The following PCSK5 variants were observed in gnomAD, a reference collection of about 807,000 sequenced individuals.
The protein encoded by PCSK5 is proprotein convertase subtilisin/kexin type 5.
PCSK5 carries 129 observed loss-of-function variants against 233.2 expected under a neutral mutation model. The ratio of observed to expected loss-of-function variants is 0.55; its 90% CI spans 0.48 to 0.64. PCSK5 has a LOEUF of 0.64. PCSK5 is among the 30% of genes least tolerant of loss of function. The pLI, the probability that PCSK5 is intolerant of heterozygous loss-of-function variation, is 0.00. For missense variants in PCSK5, 2,076 were observed against 2,430.1 expected, an observed-to-expected ratio of 0.85 and a Z score of 3.06; for synonymous variants, 825 against 879.2, an observed-to-expected ratio of 0.94 and a Z score of 1.09.
At chr9:76,332,365 G>A in intron 33 of PCSK5, 68 bp from the exon 34 acceptor site, 1 of 1,217,474 alleles carries the variant, frequency 8.2e-7, no homozygotes, top group Admixed American at 1.9e-5. Context: ...TGGTACACAA[G>A]AGGGAAAATA....
chr9:75,931,074 C>G (rs1823769370), intron 1 of PCSK5, among the ~76,000 whole-genome samples: 1 of 152,122 alleles, frequency 6.6e-6, no homozygotes, highest in Non-Finnish European at 1.5e-5. Flanking sequence ...AAATGTGAGA[C>G]TTAGACTTTG....
chr9:76,082,654 A>G (rs1342606620), intron 7 of PCSK5, among the ~76,000 whole-genome samples: 1 of 151,654 alleles, frequency 6.6e-6, no homozygotes, highest in Non-Finnish European at 1.5e-5. Flanking sequence ...AGCAGAGTAA[A>G]CAGCCCACAA....
intron 5 of PCSK5, among the ~76,000 whole-genome samples, chr9:76,038,851 C>A (rs1482578986): frequency 5.3e-5 from 8 of 152,158 alleles, no homozygotes; most frequent in African/African-American, 1.9e-4. Flanking sequence ...TGACTTTTTT[C>A]CAATGCGGAG....
intron 6 of PCSK5, 71 bp downstream of exon 6, chr9:76,068,114 C>T: frequency 9.2e-7 from 1 of 1,081,938 alleles, no homozygotes; most frequent in South Asian, 1.3e-5. Context: ...CTTTCAGAAT[C>T]CTTTTTAAAT....
At chr9:76,228,859 C>T (rs1035103206) in intron 21 of PCSK5, among the ~76,000 whole-genome samples, 1 of 152,188 alleles carries the variant, frequency 6.6e-6, no homozygotes, top group Admixed American at 6.5e-5. Context: ...AATATTCTTG[C>T]AAGCGGGTGC....
intron 12 of PCSK5, among the ~76,000 whole-genome samples, chr9:76,162,289 C>T (rs1822896096): frequency 6.6e-6 from 1 of 152,184 alleles, no homozygotes; most frequent in Non-Finnish European, 1.5e-5. Context: ...TTTCTTTTGG[C>T]ACTCTATCCA....
rs1350823846 is a variant in PCSK5, at chr9:76,239,021, C to A, written c.2929C>A (p.His977Asn). 1.2e-6 allele frequency: 2 copies of A among 1,612,076 alleles called. No homozygotes were observed. The highest frequency in any genetic ancestry group is 1.7e-5 in the Admixed American group (1 of 59,948). The change falls in exon 23 of 38, where the codon CAC becomes AAC. Residue 977 changes from histidine (H) to asparagine (N), a missense_variant. This residue lies in a region of PCSK5 where 1,510 missense variants were observed against 1,538.1 expected (regional missense o/e 0.98). Transcript: ENST00000674117. The stretch of plus-strand genomic sequence containing the variant: ...GTGTGGAGATAGCTGCCCAGAGGGC[C>A]ACTATGCCACTGAGGGGAACACCTG... ...GECGDSCPEGHYATEGNTCLP... is the reference protein window; with the variant it reads ...GECGDSCPEGNYATEGNTCLP...
In PCSK5 at chr9:76,354,035, A is replaced by G. The variant is rs1298601684; in HGVS notation, c.5070A>G (p.Gly1690=). ...CLVGEYRVGE[G]EKFNCEKCHE... is the part of the protein sequence containing the mutation. ...AACCTCTTGATTGCTCTTAACAGGG[A>G]GAGAAGTTTAACTGTGAAAAATGCC... is the stretch of plus-strand genomic sequence containing the variant. Residue 1690 remains glycine (G), a splice_region_variant and synonymous_variant, in exon 37 of 38, where the codon GGA becomes GGG. Transcript: ENST00000674117. The G allele has an allele frequency of 1.2e-6, 2 of 1,606,396 alleles. No homozygotes were observed. Among genetic ancestry groups the G allele is most frequent in the African/African-American group, 2.7e-5 (2 of 74,836 alleles).
chr9:76,298,811 C>G (rs1007522716), intron 27 of PCSK5, among the ~76,000 whole-genome samples: 4 of 152,182 alleles, frequency 2.6e-5, no homozygotes, highest in African/African-American at 9.6e-5. Context: ...GAGGATATAG[C>G]TGCCTAGGTG....
rs181279186 is a variant in PCSK5, at chr9:75,948,989, C to T, written c.297+16506C>T. On this transcript the variant is annotated intron_variant, in intron 2 of 37. Coordinates refer to ENST00000674117, the MANE Select transcript of PCSK5 (RefSeq NM_001372043.1). ...TCTTATCAAATCTAAAATCCAGGCC[C>T]GAAGTAAATAAAAACAAAACCAAAA... Among the ~76,000 whole-genome samples, 79 of 151,038 alleles carry T rather than the reference C, an allele frequency of 5.2e-4. 1 individual carries two copies. Among genetic ancestry groups the T allele is most frequent in the Admixed American group, 4.0e-3 (60 of 15,122 alleles).
At chr9:76,284,937 A>G (rs889846892) in intron 24 of PCSK5, among the ~76,000 whole-genome samples, 2 of 152,214 alleles carry the variant, frequency 1.3e-5, no homozygotes, top group Non-Finnish European at 2.9e-5. Context: ...AATAATGAAT[A>G]ATAATTTATA....
chr9:76,092,684 A>G (rs1213648588), intron 7 of PCSK5, among the ~76,000 whole-genome samples: 1 of 152,236 alleles, frequency 6.6e-6, no homozygotes, highest in Non-Finnish European at 1.5e-5. Context: ...TGAGAGAACC[A>G]GTTTGCTCAT....
At chr9:76,013,358 T>G (rs963083910) in intron 3 of PCSK5, among the ~76,000 whole-genome samples, 1 of 152,256 alleles carries the variant, frequency 6.6e-6, no homozygotes, top group Non-Finnish European at 1.5e-5. Context: ...TCCATCCCTC[T>G]GTGTCCTCTT....
intron 2 of PCSK5, among the ~76,000 whole-genome samples, chr9:75,976,073 G>A (rs202147346): frequency 2.0e-4 from 30 of 152,016 alleles, no homozygotes; most frequent in African/African-American, 7.3e-5. Flanking sequence ...ATGAGCAATC[G>A]AAATTGTTTG....
In PCSK5 at chr9:75,986,120, C is replaced by A; in HGVS notation, c.298-12C>A. 1 of 1,506,388 alleles carries A rather than the reference C, an allele frequency of 6.6e-7. No homozygotes were observed. Among genetic ancestry groups the A allele is most frequent in the African/African-American group, 1.4e-5 (1 of 72,930 alleles). 93.3% of individuals were successfully genotyped at this position (1,506,388 alleles called of 1,614,324 possible). On this transcript the variant is annotated splice_polypyrimidine_tract_variant and intron_variant, in intron 2 of 37. Coordinates refer to ENST00000674117, the MANE Select transcript of PCSK5 (RefSeq NM_001372043.1). The stretch of plus-strand genomic sequence containing the variant: ...TGGAACGTGAATACTCACCAAATGT[C>A]CTTCTTGACAGGTGGAATGGATCCA...
chr9:76,193,209 C>T (rs745945320), intron 20 of PCSK5: 5 of 1,608,288 alleles, frequency 3.1e-6, no homozygotes, highest in East Asian at 2.2e-5. Flanking sequence ...CTTCAACTCC[C>T]CTTCTCTCTT....
chr9:76,209,368 G>C (rs1825242718), intron 20 of PCSK5: 1 of 283,706 alleles, frequency 3.5e-6, no homozygotes, highest in Admixed American at 4.9e-5. Flanking sequence ...ATAGAATTTA[G>C]TAGCTTCTAA....
chr9:76,090,502 A>G (rs189345548), intron 7 of PCSK5, among the ~76,000 whole-genome samples: 16 of 152,278 alleles, frequency 1.1e-4, no homozygotes, highest in Admixed American at 9.2e-4. Context: ...ACTCGCAGGA[A>G]TAAAGGTCAG....
At position 75,960,476 on chromosome 9, in the gene PCSK5, A is replaced by G. The variant is rs541212786; in HGVS notation, c.298-25656A>G. 1.2e-4 allele frequency among the ~76,000 whole-genome samples: 18 copies of G among 152,330 alleles called. No individual in the cohort carries two copies. The South Asian group carries it at 3.7e-3, about 32-fold the overall frequency. On this transcript the variant is annotated intron_variant, in intron 2 of 37. Coordinates refer to ENST00000674117, the MANE Select transcript of PCSK5 (RefSeq NM_001372043.1). ...AAGAGAGAGACTATCAGAGAAAAAAACTAATTTTAATATTCTGGGAAAACA... is the reference window on the plus strand; with the variant it reads ...AAGAGAGAGACTATCAGAGAAAAAAGCTAATTTTAATATTCTGGGAAAACA...
Sources: gnomAD v4.1 joint callset for allele counts (sites outside exome capture counted in the v4.1 genomes callset) on GRCh38, gnomAD v4.1.1 for gene constraint, gnomAD v4.1.1 regional missense constraint, MANE v1.5 for transcripts, NCBI Gene and HGNC (gene_info 2026-07-23, HGNC 2026-07-21) for gene names.